The following PRKAR2B variants were observed in gnomAD, a reference collection of about 807,000 sequenced individuals.
PRKAR2B encodes protein kinase cAMP-dependent type II regulatory subunit beta, also known as cAMP-dependent protein kinase type II-beta regulatory subunit.
PRKAR2B carries 14 observed loss-of-function variants against 49.9 expected under a neutral mutation model. That is an observed-to-expected ratio of 0.28 (90% CI 0.19 to 0.44). PRKAR2B has a LOEUF of 0.44. PRKAR2B is among the 20% of genes least tolerant of loss of function. The pLI is 1.00. For missense variants in PRKAR2B, 393 were observed against 537.9 expected, an observed-to-expected ratio of 0.73 and a Z score of 2.67; for synonymous variants, 196 against 197.7, an observed-to-expected ratio of 0.99 and a Z score of 0.07.
chr7:107,128,787 G>GTTTTTTTTTTTTTTTTTTT (rs10693133), intron 4 of PRKAR2B: 1 of 125,602 alleles, frequency 8.0e-6, no homozygotes, highest in Non-Finnish European at 1.6e-5. Flanking sequence ...TTAAGGTGAG[G>GTTTTTTTTTTTTTTTTTTT]TTTTTTTTTT....
At chr7:107,123,234 A>G (rs1364503473) in intron 3 of PRKAR2B, among the ~76,000 whole-genome samples, 4 of 152,240 alleles carry the variant, frequency 2.6e-5, no homozygotes, top group Non-Finnish European at 5.9e-5. Context: ...TTTAAAAACA[A>G]TATGCAGTAT....
intron 4 of PRKAR2B, among the ~76,000 whole-genome samples, chr7:107,138,635 C>T (rs1041052696): frequency 8.6e-5 from 13 of 151,436 alleles, no homozygotes; most frequent in African/African-American, 2.4e-4. Flanking sequence ...GCAGCCTCAA[C>T]CTCCCAGGCT....
At chr7:107,061,081 C>T (rs1031108114) in intron 1 of PRKAR2B, among the ~76,000 whole-genome samples, 1 of 152,040 alleles carries the variant, frequency 6.6e-6, no homozygotes, top group Non-Finnish European at 1.5e-5. Context: ...CTTCAAGCTT[C>T]TGTTCTGTTC....
intron 4 of PRKAR2B, among the ~76,000 whole-genome samples, chr7:107,135,491 G>T (rs996881941): frequency 6.6e-6 from 1 of 152,180 alleles, no homozygotes; most frequent in Non-Finnish European, 1.5e-5. Context: ...AAATGGGAAA[G>T]GCTTCCAGAG....
chr7:107,110,917 C>T (rs1795158701), intron 2 of PRKAR2B, among the ~76,000 whole-genome samples: 1 of 152,140 alleles, frequency 6.6e-6, no homozygotes, highest in Admixed American at 6.5e-5. Flanking sequence ...CTGGATCTTG[C>T]ACCTTAGGTA....
chr7:107,057,643 A>T (rs556171876), intron 1 of PRKAR2B, among the ~76,000 whole-genome samples: 1 of 152,166 alleles, frequency 6.6e-6, no homozygotes, highest in Non-Finnish European at 1.5e-5. Flanking sequence ...TACGTATTTT[A>T]TGATGAGTGC....
chr7:107,157,411 G>A lies in PRKAR2B; in HGVS notation c.1123+87G>A. The A allele has an allele frequency of 4.2e-6, 6 of 1,436,940 alleles. No individual in the cohort carries two copies. In the South Asian group the frequency reaches 7.4e-5, roughly 18 times the overall value. The allele number at this position is 1,436,940 out of a possible 1,614,324, so 89.0% of individuals were successfully genotyped here. A position where few individuals can be genotyped will look rare whatever the true frequency, so the allele number is the denominator to read the frequency against. Reference sequence around the variant, plus strand: ...TCATGTTGAGTGAATCATTTTATTGGGTTCACAGGTTTTGTGGTCCCCACA... The same window carrying A: ...TCATGTTGAGTGAATCATTTTATTGAGTTCACAGGTTTTGTGGTCCCCACA... On this transcript the variant is annotated intron_variant, in intron 10 of 10. Coordinates refer to ENST00000265717, the MANE Select transcript of PRKAR2B (RefSeq NM_002736.3).
chr7:107,108,919 G>A (rs2116822023), intron 2 of PRKAR2B, among the ~76,000 whole-genome samples: 1 of 152,306 alleles, frequency 6.6e-6, no homozygotes. Flanking sequence ...AGTTCTTACA[G>A]CAACAGTGTC....
intron 8 of PRKAR2B, among the ~76,000 whole-genome samples, chr7:107,156,527 C>T (rs997269095): frequency 4.6e-5 from 7 of 151,960 alleles, no homozygotes; most frequent in South Asian, 2.1e-4. Flanking sequence ...CATTTAGGGC[C>T]GGGCTCGGTG....
In PRKAR2B at chr7:107,101,376, A is replaced by G. The variant is rs115256227; in HGVS notation, c.344-20576A>G. Among the ~76,000 whole-genome samples, 489 of 152,218 alleles carry G rather than the reference A, an allele frequency of 3.2e-3. 3 individuals carry two copies. The highest frequency in any genetic ancestry group is 0.011 in the African/African-American group (461 of 41,540). On this transcript the variant is annotated intron_variant, in intron 2 of 10. Transcript: ENST00000265717. The stretch of plus-strand genomic sequence containing the variant: ...TCCAAATTTTAGGCAGTTTTCAAGT[A>G]TACTAGCTTTTACTTTCTGCCAAGC...
intron 8 of PRKAR2B, among the ~76,000 whole-genome samples, chr7:107,155,397 T>C (rs1023990111): frequency 3.3e-5 from 5 of 151,952 alleles, no homozygotes; most frequent in Admixed American, 2.6e-4. Context: ...CTAATAAAAA[T>C]ACAAAAAAAT....
intron 2 of PRKAR2B, among the ~76,000 whole-genome samples, chr7:107,117,969 C>G (rs1438462550): frequency 6.6e-6 from 1 of 152,168 alleles, no homozygotes; most frequent in Non-Finnish European, 1.5e-5. Flanking sequence ...ATATAAGATT[C>G]ACTTAAAGAA....
At chr7:107,147,520 T>C (rs1795915363) in intron 6 of PRKAR2B, among the ~76,000 whole-genome samples, 1 of 152,236 alleles carries the variant, frequency 6.6e-6, no homozygotes, top group Non-Finnish European at 1.5e-5. Context: ...TCTGGAGGAT[T>C]GTATTTAAGG....
At chr7:107,122,361 GAAAC>G (rs1323925862) in intron 3 of PRKAR2B, among the ~76,000 whole-genome samples, 1 of 152,176 alleles carries the variant, frequency 6.6e-6, no homozygotes, top group Non-Finnish European at 1.5e-5. Flanking sequence ...AAGTTACTCT[GAAAC>G]AAACAAATCA....
chr7:107,103,062 G>C (rs1333054989), intron 2 of PRKAR2B, among the ~76,000 whole-genome samples: 2 of 152,126 alleles, frequency 1.3e-5, no homozygotes, highest in Non-Finnish European at 2.9e-5. Flanking sequence ...TCTCTGAAAT[G>C]TTCATATTTC....
At chr7:107,063,141 C>G (rs546741912) in intron 1 of PRKAR2B, among the ~76,000 whole-genome samples, 1 of 152,172 alleles carries the variant, frequency 6.6e-6, no homozygotes, top group African/African-American at 2.4e-5. Context: ...GTATCTGGGA[C>G]TACAGGTGTG....
intron 2 of PRKAR2B, among the ~76,000 whole-genome samples, chr7:107,107,165 C>T (rs755211391): frequency 1.3e-5 from 2 of 152,042 alleles, no homozygotes; most frequent in Non-Finnish European, 2.9e-5. Context: ...GGTGAAACCC[C>T]GTCTCTACTA....
intron 2 of PRKAR2B, among the ~76,000 whole-genome samples, chr7:107,093,202 G>A (rs140312057): frequency 2.6e-5 from 4 of 152,172 alleles, no homozygotes; most frequent in Admixed American, 6.5e-5. Context: ...ATATCTGTTT[G>A]TGTCTCTGCT....
At chr7:107,134,646 A>G (rs113752881) in intron 4 of PRKAR2B, among the ~76,000 whole-genome samples, 18,346 of 152,216 alleles carry the variant, frequency 0.12, 1,311 homozygotes, top group African/African-American at 0.19. Flanking sequence ...GTAGACATAT[A>G]GAACAATTGA....
Sources: allele counts gnomAD v4.1 joint callset (sites outside exome capture counted in the v4.1 genomes callset), GRCh38; gene constraint gnomAD v4.1.1; transcripts MANE v1.5; gene names NCBI Gene and HGNC (gene_info 2026-07-23, HGNC 2026-07-21).